BCL2L1: variants seen among roughly 807,000 people sequenced by gnomAD.
BCL2L1 encodes bcl-2-like protein 1.
In BCL2L1, 1 loss-of-function variant was observed where a neutral mutation model predicts 18.7. That is an observed-to-expected ratio of 0.05 (90% CI 0.02 to 0.25). BCL2L1 has a LOEUF of 0.25. Among genes scored for constraint, BCL2L1 ranks in the 10% least tolerant of loss-of-function variants. The pLI is 1.00. For missense variants in BCL2L1, 207 were observed against 304.9 expected (o/e 0.68, Z 2.39); for synonymous variants, 103 against 122.7 (o/e 0.84, Z 1.06).
chr20:31,713,746 GA>G (rs2061486055), intron 2 of BCL2L1, among the ~76,000 whole-genome samples: 1 of 152,210 alleles, frequency 6.6e-6, no homozygotes, highest in Admixed American at 6.5e-5. Flanking sequence ...AGCCTTAAAA[GA>G]ATGAATTAAT....
At chr20:31,702,121 C>G (rs1275794805) in intron 2 of BCL2L1, among the ~76,000 whole-genome samples, 1 of 152,164 alleles carries the variant, frequency 6.6e-6, no homozygotes, top group Non-Finnish European at 1.5e-5. Flanking sequence ...AGGAGGTGAC[C>G]AGCAAGCTGA....
chr20:31,684,086 G>A (rs1292227548), intron 2 of BCL2L1, among the ~76,000 whole-genome samples: 5 of 152,112 alleles, frequency 3.3e-5, no homozygotes, highest in African/African-American at 1.2e-4. Context: ...GGCAGAGTCA[G>A]CCAGCTGACC....
chr20:31,720,754 C>T, intron 2 of BCL2L1: 1 of 985,298 alleles, frequency 1.0e-6, no homozygotes, highest in Non-Finnish European at 1.2e-6. Context: ...AGTTACATGA[C>T]AGAACTGGAA....
intron 2 of BCL2L1, chr20:31,720,193 G>T (rs1242890764): frequency 1.0e-6 from 1 of 975,130 alleles, no homozygotes; most frequent in African/African-American, 1.8e-5. Context: ...TGGCACAGAC[G>T]AGTTGAAATT....
At chr20:31,703,246 G>A (rs376669904) in intron 2 of BCL2L1, among the ~76,000 whole-genome samples, 66 of 151,958 alleles carry the variant, frequency 4.3e-4, no homozygotes, top group African/African-American at 1.6e-3. Context: ...GTTTTACCAC[G>A]TTGGTCAGGC....
intron 2 of BCL2L1, chr20:31,721,384 GTTTTC>G (rs1040752432): frequency 2.1e-6 from 1 of 465,474 alleles, no homozygotes; most frequent in African/African-American, 2.0e-5. Flanking sequence ...ATAGGCTACA[GTTTTC>G]TTTGCTGAGA....
At chr20:31,712,188 C>A (rs978131214) in intron 2 of BCL2L1, among the ~76,000 whole-genome samples, 1 of 152,144 alleles carries the variant, frequency 6.6e-6, no homozygotes, top group African/African-American at 2.4e-5. Flanking sequence ...ACATAGTGAG[C>A]ACTGGATTAA....
Position 31,666,230 on chromosome 20 carries a change from T to C in BCL2L1, c.565-144A>G. 3 of 992,936 alleles carry C rather than the reference T, an allele frequency of 3.0e-6. No homozygotes were observed. The Admixed American group carries it at 6.9e-5, about 23-fold the overall frequency. The allele number at this position is 992,936 out of a possible 1,614,324, so 61.5% of individuals were successfully genotyped here. ...GCCCACTCTGGGCCAGGTAAAGGGC[T>C]AAGGGTGGTCCTCTTTCTTGACCCT... is the stretch of plus-strand genomic sequence containing the variant. On this transcript the variant is annotated intron_variant, in intron 2 of 2. Coordinates refer to ENST00000307677, the MANE Select transcript of BCL2L1 (RefSeq NM_138578.3).
At chr20:31,693,290 A>G (rs2061113855) in intron 2 of BCL2L1, among the ~76,000 whole-genome samples, 1 of 151,584 alleles carries the variant, frequency 6.6e-6, no homozygotes, top group South Asian at 2.1e-4. Flanking sequence ...CAACATAGTG[A>G]GATCCCATCT....
chr20:31,707,209 G>T (rs116432821), intron 2 of BCL2L1, among the ~76,000 whole-genome samples: 2,129 of 152,226 alleles, frequency 0.014, 55 homozygotes, highest in African/African-American at 0.048. Flanking sequence ...GAGGAGGTAG[G>T]GGACAAGGTT....
intron 2 of BCL2L1, chr20:31,721,030 G>A (rs2061617218): frequency 1.0e-6 from 1 of 958,950 alleles, no homozygotes; most frequent in Non-Finnish European, 1.2e-6. Flanking sequence ...AACTTAGGGG[G>A]CGCAGTGCAA....
intron 2 of BCL2L1, among the ~76,000 whole-genome samples, chr20:31,712,055 A>AAG (rs1163675322): frequency 6.6e-6 from 1 of 152,192 alleles, no homozygotes; most frequent in African/African-American, 2.4e-5. Context: ...GCTTCAGAGT[A>AAG]AGAGAGACCT....
intron 2 of BCL2L1, among the ~76,000 whole-genome samples, chr20:31,675,166 G>C (rs1245553643): frequency 6.6e-6 from 1 of 152,182 alleles, no homozygotes; most frequent in Non-Finnish European, 1.5e-5. Flanking sequence ...GGTGACTCTG[G>C]AGGGCCCAGG....
chr20:31,721,949 C>T lies in BCL2L1; in HGVS notation c.270G>A (p.Leu90=). ...VIPMAAVKQA[L]REAGDEFELR... is the part of the protein sequence containing the mutation. ...GTTCAAACTCGTCGCCTGCCTCCCTCAGCGCTTGCTTTACTGCTGCCATGG... is the reference window on the plus strand; with the variant it reads ...GTTCAAACTCGTCGCCTGCCTCCCTTAGCGCTTGCTTTACTGCTGCCATGG... Residue 90 remains leucine, a synonymous_variant, in exon 2 of 3, where the codon CTG becomes CTA. Coordinates refer to ENST00000307677, the MANE Select transcript of BCL2L1 (RefSeq NM_138578.3). 1 of 1,614,186 alleles carries T rather than the reference C, an allele frequency of 6.2e-7. No individual in the cohort carries two copies. Among genetic ancestry groups the T allele is most frequent in the South Asian group, 1.1e-5 (1 of 91,090 alleles).
At chr20:31,699,171 T>C (rs968090724) in intron 2 of BCL2L1, among the ~76,000 whole-genome samples, 4 of 152,180 alleles carry the variant, frequency 2.6e-5, no homozygotes, top group African/African-American at 9.7e-5. Context: ...GAAAGCTTTT[T>C]CCATGAACAA....
chr20:31,690,877 G>A (rs962351848), intron 2 of BCL2L1, among the ~76,000 whole-genome samples: 1 of 152,046 alleles, frequency 6.6e-6, no homozygotes, highest in Admixed American at 6.6e-5. Flanking sequence ...GGCCAGGCAC[G>A]GTGGCTCAGG....
At chr20:31,695,769 G>C (rs1287125665) in intron 2 of BCL2L1, among the ~76,000 whole-genome samples, 1 of 152,136 alleles carries the variant, frequency 6.6e-6, no homozygotes, top group Non-Finnish European at 1.5e-5. Context: ...ACGGCTTGCT[G>C]TTCTCTATGC....
intron 2 of BCL2L1, among the ~76,000 whole-genome samples, chr20:31,681,718 G>T (rs1479633173): frequency 3.3e-5 from 5 of 152,244 alleles, no homozygotes; most frequent in African/African-American, 1.2e-4. Context: ...GGAGTTGCCT[G>T]CCCTCTTGGC....
chr20:31,680,755 A>C (rs902722989), intron 2 of BCL2L1, among the ~76,000 whole-genome samples: 1 of 152,246 alleles, frequency 6.6e-6, no homozygotes, highest in African/African-American at 2.4e-5. Context: ...AAATAGAATG[A>C]AAATTCGTAC....
Sources: allele counts gnomAD v4.1 joint callset (sites outside exome capture counted in the v4.1 genomes callset), GRCh38; gene constraint gnomAD v4.1.1; transcripts MANE v1.5; gene names NCBI Gene and HGNC (gene_info 2026-07-23, HGNC 2026-07-21).